Variants in HTR1F observed in about 807,000 individuals in gnomAD.
The protein encoded by HTR1F is 5-hydroxytryptamine receptor 1F.
Under a neutral mutation model 24.0 loss-of-function variants are expected in HTR1F, and 17 were observed. The ratio of observed to expected loss-of-function variants is 0.71; its 90% CI spans 0.48 to 1.06. The LOEUF (loss-of-function observed/expected upper bound fraction) is 1.06, where lower values mean the gene tolerates loss of function less well. Ranked by LOEUF, HTR1F falls within the 50% of genes least tolerant of loss-of-function variation. The pLI is 0.00. For synonymous variants in HTR1F, 186 were observed against 156.8 expected (o/e 1.19, Z -1.39); for missense variants, 391 against 427.8 (o/e 0.91, Z 0.76).
At chr3:87,926,877 G>A (rs1359844226) in intron 2 of HTR1F, among the ~76,000 whole-genome samples, 1 of 152,138 alleles carries the variant, frequency 6.6e-6, no homozygotes, top group East Asian at 1.9e-4. Flanking sequence ...CTCTTCTGAA[G>A]ATTAATCAGT....
At chr3:87,819,345 T>TG (rs1172776049) in intron 1 of HTR1F, among the ~76,000 whole-genome samples, 2 of 152,040 alleles carry the variant, frequency 1.3e-5, no homozygotes, top group African/African-American at 4.8e-5. Context: ...ATAAGATTTT[T>TG]TTTTTTGCTT....
At chr3:87,927,249 T>G (rs1704147902) in intron 2 of HTR1F, among the ~76,000 whole-genome samples, 1 of 152,164 alleles carries the variant, frequency 6.6e-6, no homozygotes, top group African/African-American at 2.4e-5. Flanking sequence ...GACAGTTATG[T>G]CCTGGAGCAC....
chr3:87,822,643 G>A (rs1273644030), intron 2 of HTR1F, among the ~76,000 whole-genome samples: 1 of 152,144 alleles, frequency 6.6e-6, no homozygotes, highest in Admixed American at 6.5e-5. Flanking sequence ...TTGAGGCAAA[G>A]TATGATTTTT....
chr3:87,928,320 CAGGCACG>C (rs1434669836), intron 2 of HTR1F, among the ~76,000 whole-genome samples: 1 of 152,126 alleles, frequency 6.6e-6, no homozygotes, highest in Admixed American at 6.6e-5. Context: ...TGCTGGATTA[CAGGCACG>C]AGCCACCACG....
chr3:87,927,630 T>A (rs1167919116), intron 2 of HTR1F, among the ~76,000 whole-genome samples: 2 of 152,196 alleles, frequency 1.3e-5, no homozygotes, highest in Non-Finnish European at 2.9e-5. Flanking sequence ...ATATGAACCT[T>A]TGTAATACAA....
intron 1 of HTR1F, among the ~76,000 whole-genome samples, chr3:87,813,235 C>T: frequency 6.6e-6 from 1 of 152,186 alleles, no homozygotes; most frequent in East Asian, 1.9e-4. Flanking sequence ...GGAAGCCCAT[C>T]CCTTGCATCA....
At chr3:87,902,443 G>A (rs917378302) in intron 2 of HTR1F, among the ~76,000 whole-genome samples, 5 of 152,040 alleles carry the variant, frequency 3.3e-5, no homozygotes, top group Non-Finnish European at 7.4e-5. Context: ...TCCTAAATGT[G>A]AGAAGATAGG....
chr3:87,888,459 A>G (rs1352681685), intron 2 of HTR1F, among the ~76,000 whole-genome samples: 2 of 152,120 alleles, frequency 1.3e-5, no homozygotes, highest in Non-Finnish European at 2.9e-5. Flanking sequence ...CTAGAACTTA[A>G]AGTATAATAA....
chr3:87,818,522 A>G (rs1704292173), intron 1 of HTR1F, among the ~76,000 whole-genome samples: 1 of 152,090 alleles, frequency 6.6e-6, no homozygotes. Flanking sequence ...CTCAAACCGA[A>G]ATGTCATCCT....
chr3:87,932,982 G>C (rs1196724886), intron 2 of HTR1F, among the ~76,000 whole-genome samples: 1 of 148,602 alleles, frequency 6.7e-6, no homozygotes, highest in African/African-American at 2.5e-5. Flanking sequence ...AAATCCAGCA[G>C]CACATCAAAA....
At position 87,887,336 on chromosome 3, in the gene HTR1F, A is replaced by C. The variant is rs527812902; in HGVS notation, c.-43+65212A>C. Among the ~76,000 whole-genome samples, 100 of 152,326 alleles carry C rather than the reference A, an allele frequency of 6.6e-4. No homozygotes were observed. In the South Asian group the frequency reaches 0.018, roughly 27 times the overall value. On this transcript the variant is annotated intron_variant, in intron 2 of 2. Transcript: ENST00000319595. Reference sequence around the variant, plus strand: ...TACAAAAATTAATTCAAGATGGATTAAAGACTTAAATGTTAGACCTAAAAC... The same window carrying C: ...TACAAAAATTAATTCAAGATGGATTCAAGACTTAAATGTTAGACCTAAAAC...
chr3:87,986,083 C>A (rs534427637), intron 2 of HTR1F, among the ~76,000 whole-genome samples: 1 of 152,178 alleles, frequency 6.6e-6, no homozygotes, highest in South Asian at 2.1e-4. Context: ...AGAATGCAGT[C>A]TATGTTCTAA....
chr3:87,887,378 G>A (rs1705974365), intron 2 of HTR1F, among the ~76,000 whole-genome samples: 1 of 152,148 alleles, frequency 6.6e-6, no homozygotes, highest in African/African-American at 2.4e-5. Context: ...AACCCTAGAA[G>A]AAAACCTAGG....
intron 2 of HTR1F, among the ~76,000 whole-genome samples, chr3:87,980,208 T>C (rs548186611): frequency 6.6e-6 from 1 of 152,326 alleles, no homozygotes; most frequent in East Asian, 1.9e-4. Flanking sequence ...TTGAGCAATA[T>C]TACAGCTCTC....
chr3:87,825,674 C>T (rs745712297), intron 2 of HTR1F, among the ~76,000 whole-genome samples: 3 of 152,182 alleles, frequency 2.0e-5, no homozygotes, highest in Non-Finnish European at 2.9e-5. Flanking sequence ...GTCTCAGAGT[C>T]GCACTCGCCT....
intron 2 of HTR1F, among the ~76,000 whole-genome samples, chr3:87,927,990 A>G (rs1397637665): frequency 3.9e-5 from 6 of 152,090 alleles, no homozygotes. Context: ...ATGATTTCAT[A>G]AATCACTCTC....
intron 2 of HTR1F, among the ~76,000 whole-genome samples, chr3:87,943,075 G>C (rs186518191): frequency 2.8e-4 from 42 of 152,206 alleles, no homozygotes; most frequent in Admixed American, 1.8e-3. Flanking sequence ...AGTCCTCCTA[G>C]CACGCAAGTT....
At chr3:87,979,251 T>C (rs1315006696) in intron 2 of HTR1F, among the ~76,000 whole-genome samples, 1 of 151,958 alleles carries the variant, frequency 6.6e-6, no homozygotes, top group African/African-American at 2.4e-5. Flanking sequence ...CTCAGCCAGA[T>C]ACCTTCAGTT....
chr3:87,869,439 A>AGATAGAT (rs1553668757), intron 2 of HTR1F, among the ~76,000 whole-genome samples: 1 of 117,404 alleles, frequency 8.5e-6, no homozygotes, highest in African/African-American at 3.6e-5. Flanking sequence ...ATAGATACAT[A>AGATAGAT]GATAGATAGA....
Sources: allele counts gnomAD v4.1 joint callset (sites outside exome capture counted in the v4.1 genomes callset), GRCh38; gene constraint gnomAD v4.1.1; transcripts MANE v1.5; gene names NCBI Gene and HGNC (gene_info 2026-07-23, HGNC 2026-07-21).